LYPLAL1: variants seen among roughly 807,000 people sequenced by gnomAD.
LYPLAL1 encodes the protein lysophospholipase-like protein 1.
LYPLAL1 carries 23 observed loss-of-function variants against 19.7 expected under a neutral mutation model. The observed-to-expected ratio is 1.17, with a 90% CI of 0.84 to 1.65. LYPLAL1 has a LOEUF of 1.65. Among genes scored for constraint, LYPLAL1 ranks in the 40% most tolerant of loss-of-function variants. The pLI is 0.00. For synonymous variants in LYPLAL1, 119 were observed against 96.3 expected (o/e 1.24, Z -1.38); for missense variants, 355 against 279.4 (o/e 1.27, Z -1.93).
At chr1:219,214,258 G>T (rs899514026), downstream of LYPLAL1, among the ~76,000 whole-genome samples, 9 of 152,002 alleles carry the variant, frequency 5.9e-5, no homozygotes, top group African/African-American at 2.2e-4. Context: ...TTTATATATT[G>T]CTGAATTGTA....
the LYPLAL1 span, among the ~76,000 whole-genome samples, chr1:219,403,702 G>A: frequency 5.9e-5 from 9 of 152,262 alleles, no homozygotes; most frequent in Non-Finnish European, 1.2e-4. Flanking sequence ...AAAACTGAAG[G>A]CAGAAAGATT....
the LYPLAL1 span, among the ~76,000 whole-genome samples, chr1:219,253,924 G>A: frequency 5.3e-5 from 8 of 151,996 alleles, no homozygotes; most frequent in Non-Finnish European, 1.0e-4. Context: ...TTGCTTTGTA[G>A]GTCTCTAAGA....
the LYPLAL1 span, among the ~76,000 whole-genome samples, chr1:219,267,333 C>T: frequency 6.6e-6 from 1 of 152,154 alleles, no homozygotes; most frequent in Non-Finnish European, 1.5e-5. Context: ...GAGCTAATAA[C>T]ATGGAACCTC....
At chr1:219,199,398 A>G (rs1436457903) in intron 3 of LYPLAL1, among the ~76,000 whole-genome samples, 1 of 152,084 alleles carries the variant, frequency 6.6e-6, no homozygotes, top group Non-Finnish European at 1.5e-5. Flanking sequence ...AAAATTGTAC[A>G]AGTAAGCATG....
the LYPLAL1 span, among the ~76,000 whole-genome samples, chr1:219,273,599 A>G: frequency 1.3e-5 from 2 of 152,140 alleles, no homozygotes; most frequent in African/African-American, 4.8e-5. Flanking sequence ...TTCAATATTT[A>G]TACCTTACTT....
At chr1:219,334,440 A>G in the LYPLAL1 span, among the ~76,000 whole-genome samples, 1 of 151,820 alleles carries the variant, frequency 6.6e-6, no homozygotes, top group Admixed American at 6.6e-5. Flanking sequence ...TTCTATATCT[A>G]GAATACATTT....
the LYPLAL1 span, among the ~76,000 whole-genome samples, chr1:219,219,039 G>A: frequency 0.49 from 74,233 of 151,900 alleles, 18,469 homozygotes; most frequent in East Asian, 0.66. Context: ...GCAAGTACAC[G>A]GATTCCACTT....
the LYPLAL1 span, among the ~76,000 whole-genome samples, chr1:219,434,597 CTT>C: frequency 6.6e-6 from 1 of 152,202 alleles, no homozygotes; most frequent in South Asian, 2.1e-4. Flanking sequence ...TGGCCCAAGA[CTT>C]ATGCCTCTCT....
At chr1:219,344,096 C>G in the LYPLAL1 span, among the ~76,000 whole-genome samples, 1 of 152,070 alleles carries the variant, frequency 6.6e-6, no homozygotes, top group African/African-American at 2.4e-5. Flanking sequence ...GATCTGCTGC[C>G]CCCTCAAAAT....
At chr1:219,232,103 T>G in the LYPLAL1 span, among the ~76,000 whole-genome samples, 1 of 152,190 alleles carries the variant, frequency 6.6e-6, no homozygotes, top group Non-Finnish European at 1.5e-5. Flanking sequence ...AATTCTACAT[T>G]TTATTATCTT....
At chr1:219,272,857 G>A in the LYPLAL1 span, 2 of 151,546 alleles carry the variant, frequency 1.3e-5, no homozygotes, top group South Asian at 2.1e-4. Context: ...AATTAGAATC[G>A]GAATTGCTGT....
the LYPLAL1 span, among the ~76,000 whole-genome samples, chr1:219,421,379 T>C: frequency 6.6e-6 from 1 of 152,180 alleles, no homozygotes; most frequent in African/African-American, 2.4e-5. Flanking sequence ...GAAGACCCTA[T>C]CTGAGAACCC....
the LYPLAL1 span, among the ~76,000 whole-genome samples, chr1:219,307,267 T>C: frequency 1.3e-5 from 2 of 152,192 alleles, no homozygotes; most frequent in East Asian, 1.9e-4. Flanking sequence ...CATATACCCC[T>C]TTTAGGTGTG....
chr1:219,336,571 T>A, the LYPLAL1 span, among the ~76,000 whole-genome samples: 5 of 151,934 alleles, frequency 3.3e-5, no homozygotes, highest in Non-Finnish European at 7.4e-5. Flanking sequence ...ATTGTTACTA[T>A]TTTCTGAGTT....
At chr1:219,358,823 C>CGTGTGTGTGTGCGTGT in the LYPLAL1 span, among the ~76,000 whole-genome samples, 3 of 150,678 alleles carry the variant, frequency 2.0e-5, no homozygotes, top group Non-Finnish European at 4.5e-5. Flanking sequence ...AATTATAGTG[C>CGTGTGTGTGTGCGTGT]GTGTGTGTGT....
At chr1:219,375,508 A>G in the LYPLAL1 span, among the ~76,000 whole-genome samples, 1 of 150,960 alleles carries the variant, frequency 6.6e-6, no homozygotes, top group African/African-American at 2.4e-5. Context: ...AAAAAAAAAA[A>G]AAAAAAAGGA....
the LYPLAL1 span, among the ~76,000 whole-genome samples, chr1:219,299,302 C>T: frequency 2.7e-4 from 41 of 151,684 alleles, no homozygotes; most frequent in African/African-American, 9.0e-4. Flanking sequence ...CCTACCAGGG[C>T]GAGCAAACAC....
downstream of LYPLAL1, among the ~76,000 whole-genome samples, chr1:219,213,360 T>C (rs935301443): frequency 2.6e-5 from 4 of 151,930 alleles, no homozygotes; most frequent in Non-Finnish European, 5.9e-5. Flanking sequence ...GAGTAAGTCC[T>C]CTCAGTTTAT....
chr1:219,407,123 C>G, the LYPLAL1 span, among the ~76,000 whole-genome samples: 466 of 152,326 alleles, frequency 3.1e-3, 4 homozygotes, highest in African/African-American at 0.011. Flanking sequence ...CAAATCAAAA[C>G]TTTTTCCAGA....
Sources: gnomAD v4.1 joint callset for allele counts (sites outside exome capture counted in the v4.1 genomes callset) on GRCh38, gnomAD v4.1.1 for gene constraint, MANE v1.5 for transcripts, NCBI Gene and HGNC (gene_info 2026-07-23, HGNC 2026-07-21) for gene names.